The following LRRC9 variants were observed in gnomAD, a reference collection of about 807,000 sequenced individuals.
The protein encoded by LRRC9 is leucine-rich repeat-containing protein 9.
Under a neutral mutation model 63.2 loss-of-function variants are expected in LRRC9, and 122 were observed. The ratio of observed to expected loss-of-function variants is 1.93; its 90% CI spans 1.67 to 2.24. The LOEUF (loss-of-function observed/expected upper bound fraction) is 2.24. Ranked by LOEUF, LRRC9 falls within the 30% of genes most tolerant of loss-of-function variation. LRRC9 has a pLI of 0.00. For synonymous variants in LRRC9, 366 were observed against 213.1 expected, an observed-to-expected ratio of 1.72 and a Z score of -6.25; for missense variants, 1,071 against 627.7, an observed-to-expected ratio of 1.71 and a Z score of -7.55.
chr14:60,046,228 G>A (rs528240948), intron 29 of LRRC9, among the ~76,000 whole-genome samples: 3 of 152,226 alleles, frequency 2.0e-5, no homozygotes, highest in African/African-American at 7.2e-5. Context: ...GGTTGCCTGT[G>A]CACTCTGATG....
intron 31 of LRRC9, chr14:60,062,106 C>T: frequency 2.5e-6 from 1 of 398,726 alleles, no homozygotes; most frequent in Non-Finnish European, 4.4e-6. Context: ...AAGTATCTCT[C>T]CATCTCTTTT....
chr14:60,038,442 T>C (rs1263336323), intron 29 of LRRC9, among the ~76,000 whole-genome samples: 1 of 152,216 alleles, frequency 6.6e-6, no homozygotes, highest in Non-Finnish European at 1.5e-5. Flanking sequence ...TTTATTTCTT[T>C]TAGCAGTGGT....
intron 8 of LRRC9, among the ~76,000 whole-genome samples, chr14:59,957,345 A>G (rs1883874287): frequency 6.6e-6 from 1 of 151,838 alleles, no homozygotes; most frequent in African/African-American, 2.4e-5. Context: ...TTTTTGCTCT[A>G]ATCTTGTCTT....
intron 8 of LRRC9, among the ~76,000 whole-genome samples, chr14:59,959,255 A>G (rs1884114410): frequency 2.0e-5 from 3 of 152,196 alleles, no homozygotes; most frequent in Admixed American, 2.0e-4. Flanking sequence ...ATAAATTTAA[A>G]AACCCCAAAA....
chr14:60,002,195 G>A, intron 20 of LRRC9, 95 bp downstream of exon 20: 1 of 505,542 alleles, frequency 2.0e-6, no homozygotes. Flanking sequence ...GGCACAGATA[G>A]GTAAGGGACA....
chr14:59,946,595 C>T (rs1421525689), intron 8 of LRRC9, among the ~76,000 whole-genome samples: 5 of 144,554 alleles, frequency 3.5e-5, no homozygotes, highest in Non-Finnish European at 7.5e-5. Flanking sequence ...CATGCTGGTG[C>T]GCTGCACCCA....
intron 8 of LRRC9, 131 bp downstream of exon 8, chr14:59,944,875 C>G: frequency 2.3e-6 from 1 of 433,898 alleles, no homozygotes; most frequent in East Asian, 3.5e-5. Context: ...CTCACACACA[C>G]ACACACACAC....
At chr14:59,951,649 A>C (rs2139908628) in intron 8 of LRRC9, among the ~76,000 whole-genome samples, 1 of 145,668 alleles carries the variant, frequency 6.9e-6, no homozygotes, top group Non-Finnish European at 1.5e-5. Context: ...TTGGTCTTTG[A>C]TGATGGTGAT....
rs1887466015 is a variant in LRRC9 at position 59,986,309 on chromosome 14, T to C, written c.2211+1085T>C. Among the ~76,000 whole-genome samples, 1 of 152,220 alleles carries C rather than the reference T, an allele frequency of 6.6e-6. No homozygotes were observed. Among genetic ancestry groups the C allele is most frequent in the Admixed American group, 6.5e-5 (1 of 15,286 alleles). Reference sequence around the variant, plus strand: ...GGGTTCCAGGTCACTCACTTATCTCTTCAGAATATATCATCATTTTCAGCT... The same window carrying C: ...GGGTTCCAGGTCACTCACTTATCTCCTCAGAATATATCATCATTTTCAGCT... On this transcript the variant is annotated intron_variant, in intron 17 of 31. Coordinates refer to ENST00000445360, the Ensembl canonical transcript of LRRC9. The surrounding 1 kb of genome is among the most constrained non-coding windows in gnomAD (Gnocchi z 4.7).
exon 16 of LRRC9, chr14:59,981,953 G>A: frequency 1.4e-6 from 1 of 702,626 alleles, no homozygotes; most frequent in Non-Finnish European, 2.6e-6. Context: ...ATTTGATGAT[G>A]AAGTTATAAA....
intron 23 of LRRC9, among the ~76,000 whole-genome samples, chr14:60,009,774 A>C (rs1338047640): frequency 6.6e-6 from 1 of 152,234 alleles, no homozygotes; most frequent in Non-Finnish European, 1.5e-5. Flanking sequence ...CAATGGGGGT[A>C]CAGGCATTGG....
Position 59,927,762 on chromosome 14 carries a change from C to T in LRRC9, c.-33-149C>T, listed in dbSNP as rs139954785. On this transcript the variant is annotated intron_variant, in intron 1 of 31. Transcript: ENST00000445360. The surrounding 1 kb of genome is among the most constrained non-coding windows in gnomAD (Gnocchi z 4.4). The stretch of plus-strand genomic sequence containing the variant: ...AAATAACCTCCTAACAGAAAACTCC[C>T]TCAGAGTTTATACAGATACTTGGTA... The T allele has an allele frequency of 7.5e-3, 2,716 of 363,944 alleles. 17 individuals are homozygous for T. Among genetic ancestry groups the T allele is most frequent in the Non-Finnish European group, 0.01 (2,130 of 203,970 alleles). The allele number at this position is 363,944 out of a possible 1,614,324, so 22.5% of individuals were successfully genotyped here. A position where few individuals can be genotyped will look rare whatever the true frequency, so the allele number is the denominator to read the frequency against.
intron 8 of LRRC9, among the ~76,000 whole-genome samples, chr14:59,945,127 A>G (rs1201851375): frequency 6.6e-6 from 1 of 151,496 alleles, no homozygotes; most frequent in Non-Finnish European, 1.5e-5. Flanking sequence ...CTCAAAATTC[A>G]TTTTCTTGTT....
At chr14:60,006,191 T>TTAATGTTTGAGATGTTTTGTTTGAGA (rs1889794186) in intron 21 of LRRC9, among the ~76,000 whole-genome samples, 1 of 152,090 alleles carries the variant, frequency 6.6e-6, no homozygotes, top group African/African-American at 2.4e-5. Flanking sequence ...AATCCAAAAT[T>TTAATGTTTGAGATGTTTTGTTTGAGA]TGAATTTAAT....
At chr14:60,057,588 G>A (rs1004397341) in intron 30 of LRRC9, 3 of 194,422 alleles carry the variant, frequency 1.5e-5, no homozygotes, top group African/African-American at 7.0e-5. Flanking sequence ...TTACCTTGTT[G>A]AGACCCTTTG....
At chr14:59,920,018 T>C (rs1196524740) in intron 1 of LRRC9, 126 bp from the exon 1 acceptor site, 1 of 152,214 alleles carries the variant, frequency 6.6e-6, no homozygotes, top group African/African-American at 2.4e-5. Flanking sequence ...CACCACGTGA[T>C]GCAAACCCGG....
chr14:60,022,932 C>A, intron 27 of LRRC9, 62 bp downstream of exon 27: 1 of 442,940 alleles, frequency 2.3e-6, no homozygotes, highest in South Asian at 5.7e-5. Flanking sequence ...TATCATCATT[C>A]TGTTTTGATA....
intron 12 of LRRC9, among the ~76,000 whole-genome samples, chr14:59,968,770 G>GC (rs150997994): frequency 0.014 from 2,114 of 152,284 alleles, 48 homozygotes; most frequent in East Asian, 0.058. Context: ...CCACCTACCA[G>GC]CCCTGTGCTG....
intron 29 of LRRC9, among the ~76,000 whole-genome samples, chr14:60,046,625 G>C (rs1176884864): frequency 3.3e-5 from 5 of 152,166 alleles, no homozygotes; most frequent in Non-Finnish European, 4.4e-5. Context: ...CTATTCCATT[G>C]GTCTATGTGT....
Sources: gnomAD v4.1 joint callset for allele counts (sites outside exome capture counted in the v4.1 genomes callset) on GRCh38, gnomAD v4.1.1 for gene constraint, Gnocchi (gnomAD v3.1) non-coding constraint, MANE v1.5 for transcripts, NCBI Gene and HGNC (gene_info 2026-07-23, HGNC 2026-07-21) for gene names.